The following NCAM2 variants were observed in gnomAD, a reference collection of about 807,000 sequenced individuals.
NCAM2 encodes the protein N-CAM-2.
In NCAM2, 30 loss-of-function variants were observed where a neutral mutation model predicts 98.1. That is an observed-to-expected ratio of 0.31 (90% CI 0.23 to 0.41). The LOEUF is 0.41. Among genes scored for constraint, NCAM2 ranks in the 10% least tolerant of loss-of-function variants. The probability of loss-of-function intolerance (pLI) is 1.00; values close to 1 mark genes in which losing one functional copy is unlikely to be tolerated. For synonymous variants in NCAM2, 368 were observed against 342.4 expected (o/e 1.07, Z -0.83); for missense variants, 867 against 1,005.8 (o/e 0.86, Z 1.87).
intron 15 of NCAM2, among the ~76,000 whole-genome samples, chr21:21,500,554 G>A (rs998215603): frequency 3.0e-4 from 45 of 151,866 alleles, no homozygotes; most frequent in African/African-American, 1.1e-3. Context: ...TTTTCTACCT[G>A]TAATTACAAC....
intron 1 of NCAM2, among the ~76,000 whole-genome samples, chr21:21,230,013 C>A (rs1442206313): frequency 6.6e-6 from 1 of 151,088 alleles, no homozygotes; most frequent in Non-Finnish European, 1.5e-5. Context: ...GAGAAACACA[C>A]AAGTAAGAGG....
chr21:21,178,801 A>G (rs2068379614), intron 1 of NCAM2, among the ~76,000 whole-genome samples: 1 of 152,020 alleles, frequency 6.6e-6, no homozygotes, highest in South Asian at 2.1e-4. Flanking sequence ...TTTATTTTCT[A>G]AAAAATGATT....
chr21:21,508,536 G>A (rs1046430335), intron 15 of NCAM2, among the ~76,000 whole-genome samples: 1 of 151,636 alleles, frequency 6.6e-6, no homozygotes. Flanking sequence ...TCCCCACAGG[G>A]ATTCAAGAGG....
At chr21:21,257,797 G>T (rs2071733568) in intron 1 of NCAM2, among the ~76,000 whole-genome samples, 1 of 152,124 alleles carries the variant, frequency 6.6e-6, no homozygotes, top group Admixed American at 6.5e-5. Flanking sequence ...TGGCCAAGCT[G>T]CTCTCAAATT....
intron 14 of NCAM2, among the ~76,000 whole-genome samples, chr21:21,474,649 A>C (rs950802567): frequency 6.6e-6 from 1 of 152,066 alleles, no homozygotes. Flanking sequence ...TCATCGTTAC[A>C]TAGAAAGTAC....
chr21:21,032,135 TTTAA>T (rs1231444577), intron 1 of NCAM2, among the ~76,000 whole-genome samples: 2 of 152,166 alleles, frequency 1.3e-5, no homozygotes, highest in African/African-American at 4.8e-5. Context: ...CTTGAGCCTT[TTTAA>T]TTAGTTATTT....
At chr21:21,121,101 A>C (rs1392074929) in intron 1 of NCAM2, among the ~76,000 whole-genome samples, 1 of 152,184 alleles carries the variant, frequency 6.6e-6, no homozygotes, top group Non-Finnish European at 1.5e-5. Context: ...GTAGTGTACT[A>C]CTTCACATGA....
intron 1 of NCAM2, among the ~76,000 whole-genome samples, chr21:21,001,837 C>T (rs148335669): frequency 2.6e-5 from 4 of 152,280 alleles, no homozygotes. Flanking sequence ...TCAGTTAAAG[C>T]AGTCATCTGC....
intron 1 of NCAM2, among the ~76,000 whole-genome samples, chr21:21,134,717 T>G (rs1194308167): frequency 2.0e-5 from 3 of 151,372 alleles, no homozygotes; most frequent in African/African-American, 7.3e-5. Flanking sequence ...AGCCTTTTTT[T>G]TTTTTTTTCC....
intron 1 of NCAM2, among the ~76,000 whole-genome samples, chr21:21,158,184 G>A (rs2067672811): frequency 6.6e-6 from 1 of 152,186 alleles, no homozygotes; most frequent in African/African-American, 2.4e-5. Flanking sequence ...AATATAGTGT[G>A]TACTGAATGT....
intron 8 of NCAM2, among the ~76,000 whole-genome samples, chr21:21,355,843 A>T (rs532867054): frequency 1.3e-5 from 2 of 152,100 alleles, no homozygotes; most frequent in African/African-American, 4.8e-5. Context: ...TCCTGACCTC[A>T]GGTGATCCAC....
chr21:21,185,083 T>C (rs948955513), intron 1 of NCAM2, among the ~76,000 whole-genome samples: 25 of 152,302 alleles, frequency 1.6e-4, no homozygotes, highest in Admixed American at 9.2e-4. Flanking sequence ...CATTTGATAG[T>C]ACCTCAAAGC....
chr21:21,242,234 A>G (rs1286096128), intron 1 of NCAM2, among the ~76,000 whole-genome samples: 2 of 61,318 alleles, frequency 3.3e-5, no homozygotes, highest in African/African-American at 1.2e-4. Context: ...AAATAATTGT[A>G]TATATTTATG....
intron 1 of NCAM2, among the ~76,000 whole-genome samples, chr21:21,039,014 A>G (rs1473070316): frequency 2.0e-5 from 3 of 152,184 alleles, no homozygotes; most frequent in Middle Eastern, 3.2e-3. Flanking sequence ...ACTTAAAACT[A>G]TAAGATTTGT....
intron 14 of NCAM2, among the ~76,000 whole-genome samples, chr21:21,471,193 G>C (rs1040138040): frequency 7.9e-5 from 12 of 151,862 alleles, no homozygotes; most frequent in Non-Finnish European, 1.2e-4. Flanking sequence ...TCCTGGCACA[G>C]TTTCTCTTGA....
intron 12 of NCAM2, among the ~76,000 whole-genome samples, chr21:21,458,079 TAGGAGAC>T (rs1317268445): frequency 6.6e-6 from 1 of 152,186 alleles, no homozygotes; most frequent in Non-Finnish European, 1.5e-5. Context: ...TTCAGGTGCC[TAGGAGAC>T]AGGAAGTTTC....
At chr21:21,479,306 G>A (rs544240850) in intron 15 of NCAM2, among the ~76,000 whole-genome samples, 58 of 151,842 alleles carry the variant, frequency 3.8e-4, no homozygotes, top group Admixed American at 3.5e-3. Flanking sequence ...ATTGTTGGCC[G>A]GGCGCGGTGG....
chr21:21,195,299 T>G (rs181290780), intron 1 of NCAM2, among the ~76,000 whole-genome samples: 1 of 152,288 alleles, frequency 6.6e-6, no homozygotes, highest in African/African-American at 2.4e-5. Flanking sequence ...AAAATCTGAA[T>G]TTTAAAAGTA....
At chr21:21,486,626 T>C (rs1324638887) in intron 15 of NCAM2, among the ~76,000 whole-genome samples, 2 of 152,184 alleles carry the variant, frequency 1.3e-5, no homozygotes, top group Admixed American at 6.5e-5. Context: ...GAGACATTTC[T>C]GTGAGAATTT....
Sources: gnomAD v4.1 joint callset for allele counts (sites outside exome capture counted in the v4.1 genomes callset) on GRCh38, gnomAD v4.1.1 for gene constraint, MANE v1.5 for transcripts, NCBI Gene and HGNC (gene_info 2026-07-23, HGNC 2026-07-21) for gene names.